TENM3: variants seen among roughly 807,000 people sequenced by gnomAD.
TENM3 encodes the protein teneurin-3.
In TENM3, 63 loss-of-function variants were observed where a neutral mutation model predicts 255.1. That is an observed-to-expected ratio of 0.25 (90% CI 0.20 to 0.30). The LOEUF is 0.30. Among genes scored for constraint, TENM3 ranks in the 10% least tolerant of loss-of-function variants. TENM3 has a pLI of 1.00. For missense variants in TENM3, 2,929 were observed against 3,461.1 expected (o/e 0.85, Z 3.86); for synonymous variants, 1,306 against 1,322.3 (o/e 0.99, Z 0.27).
the TENM3 span, among the ~76,000 whole-genome samples, chr4:181,856,890 C>A: frequency 6.6e-6 from 1 of 152,144 alleles, no homozygotes; most frequent in Admixed American, 6.5e-5. Flanking sequence ...GTGGTTATAG[C>A]GACAGGCAGA....
chr4:182,376,192 T>C (rs1767169311), intron 3 of TENM3, among the ~76,000 whole-genome samples: 2 of 152,200 alleles, frequency 1.3e-5, no homozygotes, highest in Admixed American at 6.5e-5. Context: ...GGAATCAATA[T>C]TGTAGAATAC....
chr4:181,665,086 G>A, the TENM3 span, among the ~76,000 whole-genome samples: 1 of 152,134 alleles, frequency 6.6e-6, no homozygotes. Flanking sequence ...AGATGAAGCT[G>A]CACCTCACAA....
chr4:181,834,114 TA>T, the TENM3 span, among the ~76,000 whole-genome samples: 9,470 of 135,076 alleles, frequency 0.07, 868 homozygotes, highest in East Asian at 0.52. Flanking sequence ...ATAAATTTGC[TA>T]AAAAAAAAAA....
At chr4:181,844,911 G>A in the TENM3 span, among the ~76,000 whole-genome samples, 1 of 152,192 alleles carries the variant, frequency 6.6e-6, no homozygotes. Context: ...ATGAGTCTTC[G>A]CTTGTTGCAT....
the TENM3 span, among the ~76,000 whole-genome samples, chr4:181,963,601 G>A: frequency 6.6e-6 from 1 of 152,152 alleles, no homozygotes; most frequent in Admixed American, 6.5e-5. Flanking sequence ...CGTGTATGAG[G>A]AACATGTTGG....
intron 1 of TENM3, among the ~76,000 whole-genome samples, chr4:182,216,481 C>G (rs1233352387): frequency 2.6e-5 from 4 of 152,182 alleles, no homozygotes; most frequent in African/African-American, 9.7e-5. Context: ...AAGCAGAAAT[C>G]ATCCTGATAT....
the TENM3 span, among the ~76,000 whole-genome samples, chr4:181,584,884 G>T: frequency 6.6e-6 from 1 of 151,954 alleles, no homozygotes; most frequent in Non-Finnish European, 1.5e-5. Context: ...ATAAATAATA[G>T]GTCGCTTTTG....
chr4:182,775,313 G>C lies in TENM3; in HGVS notation c.5304+160G>C, dbSNP rs955984453. Among the ~76,000 whole-genome samples, 6 of 152,278 alleles carry C rather than the reference G, an allele frequency of 3.9e-5. No homozygotes were observed. In the East Asian group the frequency reaches 5.8e-4, roughly 15 times the overall value. On this transcript the variant is annotated intron_variant, in intron 24 of 27. Transcript: ENST00000511685. ...ATCCCACATGGGCCTGTTCTGGCAG[G>C]TGCAGCTGGGGAGGCTGGAGGGAGG...
At chr4:182,658,500 G>A (rs1264184146) in intron 6 of TENM3, among the ~76,000 whole-genome samples, 1 of 152,172 alleles carries the variant, frequency 6.6e-6, no homozygotes, top group African/African-American at 2.4e-5. Context: ...TTTGTAGACA[G>A]TGGTGGTAGT....
At chr4:181,996,159 T>TAAAAAAA in the TENM3 span, among the ~76,000 whole-genome samples, 1 of 139,030 alleles carries the variant, frequency 7.2e-6, no homozygotes, top group African/African-American at 2.7e-5. Flanking sequence ...TCGCTACGGT[T>TAAAAAAA]AAAAAAAAAA....
intron 24 of TENM3, among the ~76,000 whole-genome samples, chr4:182,786,403 C>T (rs1194376782): frequency 6.6e-6 from 1 of 151,858 alleles, no homozygotes; most frequent in Admixed American, 6.6e-5. Flanking sequence ...ACTAAAAATA[C>T]AAAAATTAGC....
At chr4:181,592,334 C>CTTTT in the TENM3 span, among the ~76,000 whole-genome samples, 1 of 137,306 alleles carries the variant, frequency 7.3e-6, no homozygotes, top group African/African-American at 2.8e-5. Context: ...CCATATGGCT[C>CTTTT]TTTTTTTTTT....
chr4:181,885,629 A>G, the TENM3 span, among the ~76,000 whole-genome samples: 1 of 152,206 alleles, frequency 6.6e-6, no homozygotes, highest in Non-Finnish European at 1.5e-5. Flanking sequence ...CATGAAAAAA[A>G]TCACTCCCAT....
chr4:181,625,144 T>A, the TENM3 span, among the ~76,000 whole-genome samples: 1 of 152,296 alleles, frequency 6.6e-6, no homozygotes, highest in South Asian at 2.1e-4. Context: ...CACCTTCACA[T>A]GGCAGAAGAG....
At chr4:182,056,346 T>C in the TENM3 span, among the ~76,000 whole-genome samples, 3 of 152,144 alleles carry the variant, frequency 2.0e-5, no homozygotes, top group African/African-American at 7.2e-5. Flanking sequence ...CAGTAAGAAA[T>C]ACGTTTTAAG....
chr4:181,695,333 G>C, the TENM3 span, among the ~76,000 whole-genome samples: 17 of 152,142 alleles, frequency 1.1e-4, no homozygotes, highest in Non-Finnish European at 1.9e-4. Context: ...TCAACTCTTG[G>C]TAACAGAGCC....
At chr4:182,197,740 G>A (rs867341560) in intron 1 of TENM3, among the ~76,000 whole-genome samples, 1 of 152,198 alleles carries the variant, frequency 6.6e-6, no homozygotes, top group African/African-American at 2.4e-5. Flanking sequence ...TGCCCTTTCA[G>A]TAAAGTTTCA....
At chr4:182,624,324 A>C (rs2152460934) in intron 4 of TENM3, among the ~76,000 whole-genome samples, 1 of 152,296 alleles carries the variant, frequency 6.6e-6, no homozygotes, top group African/African-American at 2.4e-5. Flanking sequence ...CCAAAGACTA[A>C]GGTAAGGGAC....
chr4:182,343,331 T>C (rs539723869), intron 2 of TENM3, among the ~76,000 whole-genome samples: 8 of 152,336 alleles, frequency 5.3e-5, no homozygotes, highest in South Asian at 2.1e-4. Context: ...CAAAATTCAA[T>C]GTACAGGAGA....
Sources: allele counts gnomAD v4.1 joint callset (sites outside exome capture counted in the v4.1 genomes callset), GRCh38; gene constraint gnomAD v4.1.1; transcripts MANE v1.5; gene names NCBI Gene and HGNC (gene_info 2026-07-23, HGNC 2026-07-21).